The following PDZD2 variants were observed in gnomAD, a reference collection of about 807,000 sequenced individuals.
PDZD2 encodes PDZ domain containing 2, also known as PDZ domain-containing protein 2.
Under a neutral mutation model 220.7 loss-of-function variants are expected in PDZD2, and 90 were observed. The ratio of observed to expected loss-of-function variants is 0.41; its 90% CI spans 0.34 to 0.49. PDZD2 has a LOEUF of 0.49. Ranked by LOEUF, PDZD2 falls within the 20% of genes least tolerant of loss-of-function variation. The pLI, the probability that PDZD2 is intolerant of heterozygous loss-of-function variation, is 0.28. For synonymous variants in PDZD2, 1,375 were observed against 1,450.5 expected (o/e 0.95, Z 1.18); for missense variants, 3,174 against 3,608.5 (o/e 0.88, Z 3.08).
intron 13 of PDZD2, 68 bp downstream of exon 13, chr5:32,059,424 T>C: frequency 1.3e-6 from 1 of 765,082 alleles, no homozygotes; most frequent in South Asian, 1.8e-5. Context: ...ACGTGTGATA[T>C]TTGTTCTATT....
At chr5:31,729,099 CTT>C (rs10650811) in intron 1 of PDZD2, among the ~76,000 whole-genome samples, 5 of 123,646 alleles carry the variant, frequency 4.0e-5, no homozygotes, top group Non-Finnish European at 6.5e-5. Context: ...TGATCGAAAT[CTT>C]TTTTTTTTTT....
At chr5:32,084,175 C>G (rs1254437248) in intron 19 of PDZD2, among the ~76,000 whole-genome samples, 1 of 152,238 alleles carries the variant, frequency 6.6e-6, no homozygotes. Context: ...TGGCCTTCCA[C>G]AGTGGGCCTG....
intron 1 of PDZD2, among the ~76,000 whole-genome samples, chr5:31,784,664 T>G (rs1753269718): frequency 6.6e-6 from 1 of 151,714 alleles, no homozygotes; most frequent in African/African-American, 2.4e-5. Context: ...ATCCCAGCAC[T>G]TTGGGAGACC....
chr5:32,005,247 T>C (rs1446939900), intron 5 of PDZD2, among the ~76,000 whole-genome samples: 1 of 152,214 alleles, frequency 6.6e-6, no homozygotes, highest in Non-Finnish European at 1.5e-5. Flanking sequence ...TGGATAATAG[T>C]CACCTTGTTG....
intron 2 of PDZD2, among the ~76,000 whole-genome samples, chr5:31,862,617 G>A (rs1228309318): frequency 6.6e-6 from 1 of 150,634 alleles, no homozygotes; most frequent in Non-Finnish European, 1.5e-5. Context: ...CTGGAGTGCA[G>A]TAGTGCAATC....
At chr5:31,996,065 A>G (rs1751603112) in intron 4 of PDZD2, among the ~76,000 whole-genome samples, 1 of 152,190 alleles carries the variant, frequency 6.6e-6, no homozygotes, top group Non-Finnish European at 1.5e-5. Context: ...AGAACACCGC[A>G]TTCCTAAGAT....
rs1757833692 is a variant in PDZD2 at position 31,849,897 on chromosome 5, TATATATAC to T, written c.476+50181_476+50188del. Reference sequence around the variant, plus strand: ...ATATATATATATATATACACATATATATATATACATATATATATATACATATATATATA... The same window carrying T: ...ATATATATATATATATACACATATATATATATATATATACATATATATATA... On this transcript the variant is annotated intron_variant, in intron 2 of 24. Coordinates refer to ENST00000438447, the MANE Select transcript of PDZD2 (RefSeq NM_178140.4). Among the ~76,000 whole-genome samples, 25 of 26,460 alleles carry T rather than the reference TATATATAC, an allele frequency of 9.4e-4. 4 individuals carry two copies. Among genetic ancestry groups the T allele is most frequent in the African/African-American group, 7.2e-3 (25 of 3,458 alleles). 17.4% of individuals were successfully genotyped at this position (26,460 alleles called of 152,430 possible). A position where few individuals can be genotyped will look rare whatever the true frequency, so the allele number is the denominator to read the frequency against.
chr5:31,961,427 A>G (rs1209993526), intron 2 of PDZD2, among the ~76,000 whole-genome samples: 1 of 151,760 alleles, frequency 6.6e-6, no homozygotes, highest in Non-Finnish European at 1.5e-5. Flanking sequence ...CTCAGCTACT[A>G]GGGAAGCTGA....
chr5:31,832,901 AGG>A (rs779770654), intron 2 of PDZD2, among the ~76,000 whole-genome samples: 18,221 of 152,178 alleles, frequency 0.12, 1,191 homozygotes, highest in Non-Finnish European at 0.15. Context: ...CTAGTGTGTG[AGG>A]AAAAGTTTGG....
At chr5:32,092,832 T>C (rs1743282740) in intron 20 of PDZD2, 75 bp from the exon 21 acceptor site, 1 of 722,016 alleles carries the variant, frequency 1.4e-6, no homozygotes, top group Non-Finnish European at 2.3e-6. Flanking sequence ...AAGGAGATCA[T>C]TTTAAATGCA....
At chr5:31,649,874 G>C (rs1286728365) in intron 1 of PDZD2, among the ~76,000 whole-genome samples, 1 of 132,356 alleles carries the variant, frequency 7.6e-6, no homozygotes, top group East Asian at 2.4e-4. Context: ...GGAGGCGGAG[G>C]TTGCAGTAAG....
intron 1 of PDZD2, among the ~76,000 whole-genome samples, chr5:31,709,063 T>C (rs1747964173): frequency 1.3e-5 from 2 of 152,016 alleles, no homozygotes; most frequent in South Asian, 4.2e-4. Context: ...AATTTTTGTA[T>C]TTTTAGTAGA....
intron 2 of PDZD2, among the ~76,000 whole-genome samples, chr5:31,946,917 T>C (rs1429499685): frequency 6.6e-6 from 1 of 152,230 alleles, no homozygotes; most frequent in African/African-American, 2.4e-5. Context: ...TTGCCCAGGC[T>C]GGTTTTGAAC....
chr5:32,022,191 T>TG (rs1161947885), intron 6 of PDZD2, among the ~76,000 whole-genome samples: 10 of 144,644 alleles, frequency 6.9e-5, no homozygotes, highest in South Asian at 2.2e-4. Flanking sequence ...TTTTGTTTTT[T>TG]TGTTTTTTGT....
intron 6 of PDZD2, among the ~76,000 whole-genome samples, chr5:32,022,889 A>C (rs1754335187): frequency 1.3e-5 from 2 of 152,140 alleles, no homozygotes; most frequent in South Asian, 4.1e-4. Context: ...AGATTACTCA[A>C]GCAGCGTGGC....
chr5:31,830,731 CA>C (rs1756529940), intron 2 of PDZD2, among the ~76,000 whole-genome samples: 1 of 152,152 alleles, frequency 6.6e-6, no homozygotes, highest in Admixed American at 6.5e-5. Flanking sequence ...GAGATGTCTT[CA>C]GGATAAAGTT....
chr5:31,845,070 A>T (rs577416923), intron 2 of PDZD2, among the ~76,000 whole-genome samples: 10 of 152,224 alleles, frequency 6.6e-5, no homozygotes, highest in Non-Finnish European at 1.5e-4. Context: ...AGAATGGGAG[A>T]TGAGAAGAAT....
At chr5:31,642,795 G>A (rs1316566378) in intron 1 of PDZD2, among the ~76,000 whole-genome samples, 3 of 152,192 alleles carry the variant, frequency 2.0e-5, no homozygotes, top group Non-Finnish European at 4.4e-5. Flanking sequence ...TGGAGAGAAT[G>A]AGGAAAACAG....
At chr5:31,895,242 G>A (rs954038166) in intron 2 of PDZD2, among the ~76,000 whole-genome samples, 1 of 152,136 alleles carries the variant, frequency 6.6e-6, no homozygotes, top group Non-Finnish European at 1.5e-5. Context: ...TCCCCCTACA[G>A]TCCATTTGTT....
Sources: allele counts gnomAD v4.1 joint callset (sites outside exome capture counted in the v4.1 genomes callset), GRCh38; gene constraint gnomAD v4.1.1; transcripts MANE v1.5; gene names NCBI Gene and HGNC (gene_info 2026-07-23, HGNC 2026-07-21).